Variants in CDC42BPA observed in about 807,000 individuals in gnomAD.
The protein encoded by CDC42BPA is CDC42 binding protein kinase alpha.
In CDC42BPA, 80 loss-of-function variants were observed where a neutral mutation model predicts 223.5. The observed-to-expected ratio is 0.36, with a 90% CI of 0.30 to 0.43. The LOEUF (loss-of-function observed/expected upper bound fraction) is 0.43, where lower values mean the gene tolerates loss of function less well. CDC42BPA is among the 20% of genes least tolerant of loss of function. CDC42BPA has a pLI of 1.00. For synonymous variants in CDC42BPA, 694 were observed against 718.6 expected (o/e 0.97, Z 0.55); for missense variants, 1,743 against 2,099.9 (o/e 0.83, Z 3.32).
At chr1:227,158,240 G>A (rs1444213460) in intron 6 of CDC42BPA, among the ~76,000 whole-genome samples, 2 of 152,154 alleles carry the variant, frequency 1.3e-5, no homozygotes, top group Non-Finnish European at 2.9e-5. Flanking sequence ...GATTACAGGC[G>A]TGAGCCACTG....
intron 32 of CDC42BPA, among the ~76,000 whole-genome samples, chr1:227,021,380 T>G (rs1667349295): frequency 6.6e-6 from 1 of 152,128 alleles, no homozygotes; most frequent in African/African-American, 2.4e-5. Context: ...CATCTAAAGC[T>G]TACATTTCAT....
chr1:227,129,692 A>AAAAAAAAAAAAC (rs1656617869), intron 10 of CDC42BPA, among the ~76,000 whole-genome samples: 1 of 96,576 alleles, frequency 1.0e-5, no homozygotes, highest in African/African-American at 4.3e-5. Context: ...AAAAAAAAAA[A>AAAAAAAAAAAAC]AATCCACTGC....
chr1:227,013,395 C>CT lies in CDC42BPA; in HGVS notation c.4857+2684dup, dbSNP rs542850219. ...AGATACAGATTTTTTCTTTTTATCTCTTTTTTTTTCTTAAAGTGGTGGAAG... is the reference window on the plus strand; with the variant it reads ...AGATACAGATTTTTTCTTTTTATCTCTTTTTTTTTTCTTAAAGTGGTGGAAG... On this transcript the variant is annotated intron_variant, in intron 34 of 36. Transcript: ENST00000366766. 2.0e-3 allele frequency among the ~76,000 whole-genome samples: 301 copies of CT among 149,828 alleles called. 1 individual carries two copies. Among genetic ancestry groups the CT allele is most frequent in the South Asian group, 0.011 (52 of 4,760 alleles).
chr1:227,292,608 G>A (rs1244041882), intron 1 of CDC42BPA, among the ~76,000 whole-genome samples: 1 of 152,162 alleles, frequency 6.6e-6, no homozygotes, highest in East Asian at 1.9e-4. Context: ...AGATAATTTG[G>A]TCATAATCAT....
intron 1 of CDC42BPA, among the ~76,000 whole-genome samples, chr1:227,296,778 T>A (rs545230749): frequency 7.0e-6 from 1 of 142,746 alleles, no homozygotes; most frequent in Non-Finnish European, 1.5e-5. Flanking sequence ...GATTTGGCAA[T>A]GGGTTCTTAA....
Position 227,025,958 on chromosome 1 carries a change from GA to G in CDC42BPA, c.4530+96del, listed in dbSNP as rs146262681. 2,644 of 660,202 alleles carry G rather than the reference GA, an allele frequency of 4.0e-3. 17 individuals carry two copies. Among genetic ancestry groups the G allele is most frequent in the Non-Finnish European group, 6.0e-3 (2,300 of 380,962 alleles). The allele number at this position is 660,202 out of a possible 1,614,324, so 40.9% of individuals were successfully genotyped here. Reference sequence around the variant, plus strand: ...CCCAAACTGCCAATTACACATTCCAGAAAATGTTGAATTAATAAAAAAAAAA... The same window carrying G: ...CCCAAACTGCCAATTACACATTCCAGAAATGTTGAATTAATAAAAAAAAAA... On this transcript the variant is annotated intron_variant, in intron 31 of 36. Transcript: ENST00000366766.
intron 34 of CDC42BPA, among the ~76,000 whole-genome samples, chr1:227,011,995 T>C (rs145412525): frequency 4.6e-5 from 7 of 152,292 alleles, no homozygotes; most frequent in African/African-American, 1.4e-4. Context: ...TGTAAAAAGA[T>C]TGCATAAATT....
chr1:227,147,549 G>A lies in CDC42BPA; in HGVS notation c.704C>T (p.Ser235Leu). Residue 235 changes from serine to leucine, a missense_variant, in exon 7 of 37, where the codon TCA (serine) becomes TTA (leucine). Physicochemically the swap from Ser to Leu is moderately radical, Grantham distance 145. Around this residue, in one of 6 missense-constraint regions of CDC42BPA, gnomAD observed 321 missense variants for 488.7 expected, o/e 0.66. Transcript: ENST00000366766. ...KLMEDGTVQS[S>L]VAVGTPDYIS... is the part of the protein sequence containing the mutation. The stretch of plus-strand genomic sequence containing the variant: ...ATAATCTGGAGTTCCTACAGCCACT[G>A]AGGACTGAACCTGAAGAAATTTACA... The A allele has an allele frequency of 5.0e-6, 8 of 1,597,280 alleles. No homozygotes were observed. Among genetic ancestry groups the A allele is most frequent in the Non-Finnish European group, 6.8e-6 (8 of 1,171,818 alleles).
At chr1:227,257,535 A>G in intron 1 of CDC42BPA, among the ~76,000 whole-genome samples, 1 of 150,832 alleles carries the variant, frequency 6.6e-6, no homozygotes, top group East Asian at 1.9e-4. Context: ...GAATCACCTG[A>G]GGTCAGGAGT....
At chr1:227,017,336 C>A (rs1666481968) in intron 32 of CDC42BPA, among the ~76,000 whole-genome samples, 1 of 152,136 alleles carries the variant, frequency 6.6e-6, no homozygotes, top group Non-Finnish European at 1.5e-5. Context: ...CCTTGGTGTT[C>A]TGTCACTAAT....
chr1:227,109,681 C>A (rs190142002), intron 14 of CDC42BPA, among the ~76,000 whole-genome samples: 9 of 151,748 alleles, frequency 5.9e-5, no homozygotes, highest in African/African-American at 1.5e-4. Flanking sequence ...TCTTTATATC[C>A]ATTTTCTATA....
At chr1:227,091,276 G>A (rs556882021) in intron 16 of CDC42BPA, among the ~76,000 whole-genome samples, 1 of 152,326 alleles carries the variant, frequency 6.6e-6, no homozygotes, top group Non-Finnish European at 1.5e-5. Context: ...TCGAATCTCA[G>A]GTTGAAATGT....
At chr1:227,132,299 T>C (rs1657297736) in intron 10 of CDC42BPA, among the ~76,000 whole-genome samples, 1 of 152,064 alleles carries the variant, frequency 6.6e-6, no homozygotes, top group African/African-American at 2.4e-5. Flanking sequence ...CCTGACTGGT[T>C]TTCGTATTTT....
chr1:227,237,828 G>C (rs1382768702), intron 2 of CDC42BPA, among the ~76,000 whole-genome samples: 1 of 151,930 alleles, frequency 6.6e-6, no homozygotes, highest in Non-Finnish European at 1.5e-5. Flanking sequence ...ATCACCTGAG[G>C]TCGGAGTTAG....
At chr1:227,174,012 CTATATT>C (rs1666534850) in intron 5 of CDC42BPA, among the ~76,000 whole-genome samples, 1 of 152,020 alleles carries the variant, frequency 6.6e-6, no homozygotes. Flanking sequence ...AATATAGTAA[CTATATT>C]TATATTTAAA....
chr1:227,034,581 CAAT>C, intron 26 of CDC42BPA, 71 bp downstream of exon 26: 1 of 1,387,618 alleles, frequency 7.2e-7, no homozygotes, highest in Non-Finnish European at 9.8e-7. Flanking sequence ...CATGGCAACA[CAAT>C]TTTTGAAAAT....
chr1:227,170,420 C>T (rs1324022988), intron 5 of CDC42BPA, among the ~76,000 whole-genome samples: 1 of 149,958 alleles, frequency 6.7e-6, no homozygotes, highest in Non-Finnish European at 1.5e-5. Context: ...CAATTAGGTG[C>T]TGCCTAGTCC....
intron 1 of CDC42BPA, among the ~76,000 whole-genome samples, chr1:227,281,268 C>G (rs2148571232): frequency 6.6e-6 from 1 of 152,312 alleles, no homozygotes; most frequent in South Asian, 2.1e-4. Flanking sequence ...TGGTTTTACA[C>G]AAAACCAGGT....
At position 227,034,675 on chromosome 1, in the gene CDC42BPA, A is replaced by G. The variant is rs765232722; in HGVS notation, c.3456T>C (p.Ile1152=). ...CTTACCTCATGTCAATCACTTGACT[A>G]ATGACAACACTGGGCTGAGATGCTT... ...EGKASQPSVV[I]SQVIDMRDEE... The change falls in exon 26 of 37, where the codon ATT becomes ATC. Residue 1152 remains isoleucine (I), a synonymous_variant. Coordinates refer to ENST00000366766, the MANE Select transcript of CDC42BPA (RefSeq NM_001394014.1). The G allele has an allele frequency of 6.2e-7, 1 of 1,612,764 alleles. No homozygotes were observed. The highest frequency in any genetic ancestry group is 2.2e-5 in the East Asian group (1 of 44,832).
Sources: gnomAD v4.1 joint callset for allele counts (sites outside exome capture counted in the v4.1 genomes callset) on GRCh38, gnomAD v4.1.1 for gene constraint, gnomAD v4.1.1 regional missense constraint, MANE v1.5 for transcripts, NCBI Gene and HGNC (gene_info 2026-07-23, HGNC 2026-07-21) for gene names.